The following HS3ST2 variants were observed in gnomAD, a reference collection of about 807,000 sequenced individuals.
HS3ST2 encodes heparan sulfate glucosamine 3-O-sulfotransferase 2.
A neutral mutation model predicts 26.3 loss-of-function variants in HS3ST2; 17 were observed. That is an observed-to-expected ratio of 0.65 (90% CI 0.44 to 0.97). HS3ST2 has a LOEUF of 0.97. Ranked by LOEUF, HS3ST2 falls within the 50% of genes least tolerant of loss-of-function variation. The pLI, the probability that HS3ST2 is intolerant of heterozygous loss-of-function variation, is 0.00. For synonymous variants in HS3ST2, 237 were observed against 219.2 expected (o/e 1.08, Z -0.72); for missense variants, 402 against 501.2 (o/e 0.80, Z 1.89).
intron 1 of HS3ST2, among the ~76,000 whole-genome samples, chr16:22,858,407 T>G (rs2141188227): frequency 6.6e-6 from 1 of 151,838 alleles, no homozygotes; most frequent in South Asian, 2.1e-4. Context: ...GCATGTTTTG[T>G]TTGTGATGTG....
chr16:22,832,365 G>A (rs1023420620), intron 1 of HS3ST2, among the ~76,000 whole-genome samples: 1 of 151,978 alleles, frequency 6.6e-6, no homozygotes, highest in African/African-American at 2.4e-5. Flanking sequence ...AGCAGCTGGT[G>A]AGCATCCTAC....
chr16:22,879,890 C>T (rs915893498), intron 1 of HS3ST2, among the ~76,000 whole-genome samples: 2 of 152,064 alleles, frequency 1.3e-5, no homozygotes, highest in African/African-American at 2.4e-5. Context: ...ACCATGAACC[C>T]CAGACTGGAC....
chr16:22,842,153 C>T (rs384338), intron 1 of HS3ST2, among the ~76,000 whole-genome samples: 4 of 149,988 alleles, frequency 2.7e-5, no homozygotes, highest in Admixed American at 2.7e-4. Flanking sequence ...GCTCCACCTC[C>T]TGGGTCCAAG....
intron 1 of HS3ST2, among the ~76,000 whole-genome samples, chr16:22,911,257 T>C (rs2106365): frequency 0.079 from 12,070 of 152,122 alleles, 637 homozygotes; most frequent in Non-Finnish European, 0.11. Flanking sequence ...GGGAGAGCAA[T>C]TAGAACAGGA....
intron 1 of HS3ST2, among the ~76,000 whole-genome samples, chr16:22,913,123 A>AAAGG (rs1159183388): frequency 0.025 from 2,330 of 94,128 alleles, 82 homozygotes; most frequent in South Asian, 0.053. Context: ...GAGAAGAAAG[A>AAAGG]AAGGAAGGAA....
intron 1 of HS3ST2, among the ~76,000 whole-genome samples, chr16:22,847,031 G>T (rs1901443818): frequency 6.6e-6 from 1 of 152,102 alleles, no homozygotes; most frequent in Non-Finnish European, 1.5e-5. Context: ...TGTTATGTAG[G>T]TAAACTCATG....
intron 1 of HS3ST2, among the ~76,000 whole-genome samples, chr16:22,866,217 A>G (rs1381644039): frequency 1.3e-5 from 2 of 152,170 alleles, no homozygotes; most frequent in Non-Finnish European, 2.9e-5. Context: ...TGATTAGCAG[A>G]TGATGGTATT....
intron 1 of HS3ST2, among the ~76,000 whole-genome samples, chr16:22,868,596 G>A (rs2283530): frequency 0.12 from 18,149 of 151,986 alleles, 1,767 homozygotes; most frequent in East Asian, 0.41. Context: ...CAGCAGTTAA[G>A]TTTCAGATCC....
chr16:22,891,052 C>T (rs12923372), intron 1 of HS3ST2, among the ~76,000 whole-genome samples: 2 of 152,156 alleles, frequency 1.3e-5, no homozygotes, highest in Admixed American at 6.5e-5. Flanking sequence ...AAAAAACGAG[C>T]AGATGTGCTA....
chr16:22,863,237 C>T (rs886488884), intron 1 of HS3ST2, among the ~76,000 whole-genome samples: 14 of 152,312 alleles, frequency 9.2e-5, no homozygotes, highest in South Asian at 2.1e-4. Context: ...CCGATTTGTT[C>T]CTGCCTTGGG....
At position 22,866,369 on chromosome 16, in the gene HS3ST2, CGTGTGT is replaced by C. The variant is rs55757233; in HGVS notation, c.486-48542_486-48537del. Among the ~76,000 whole-genome samples, 595 of 143,748 alleles carry C rather than the reference CGTGTGT, an allele frequency of 4.1e-3. 3 individuals carry two copies. The highest frequency in any genetic ancestry group is 0.011 in the African/African-American group (414 of 38,854). 94.3% of individuals were successfully genotyped at this position (143,748 alleles called of 152,430 possible). Reference sequence around the variant, plus strand: ...CTAACCAATTTGACAATATGGTGTGCGTGTGTGTGTGTGTGTGTGTGTGTGTGTGTG... The same window carrying C: ...CTAACCAATTTGACAATATGGTGTGCGTGTGTGTGTGTGTGTGTGTGTGTG... On this transcript the variant is annotated intron_variant, in intron 1 of 1. Coordinates refer to ENST00000261374, the MANE Select transcript of HS3ST2 (RefSeq NM_006043.2).
chr16:22,865,287 G>T (rs756638783), intron 1 of HS3ST2, among the ~76,000 whole-genome samples: 1 of 152,122 alleles, frequency 6.6e-6, no homozygotes. Flanking sequence ...GGGCGCGGTG[G>T]CTCATGCCTG....
chr16:22,815,847 G>GAAGTGCCTTAAAGGTGTA (rs1478843877), intron 1 of HS3ST2, among the ~76,000 whole-genome samples: 2 of 151,974 alleles, frequency 1.3e-5, no homozygotes, highest in Non-Finnish European at 2.9e-5. Context: ...AGGCTTTTCT[G>GAAGTGCCTTAAAGGTGTA]AAGTGCCTTA....
chr16:22,822,377 A>G (rs458544), intron 1 of HS3ST2, among the ~76,000 whole-genome samples: 62,353 of 151,798 alleles, frequency 0.41, 12,903 homozygotes, highest in East Asian at 0.46. Context: ...TTTGTTGCCC[A>G]GGCTGGTCTC....
intron 1 of HS3ST2, among the ~76,000 whole-genome samples, chr16:22,857,376 CTT>C (rs1365936413): frequency 6.6e-6 from 1 of 152,182 alleles, no homozygotes; most frequent in Non-Finnish European, 1.5e-5. Context: ...GAAAGCACCT[CTT>C]TGTGATTTTC....
chr16:22,907,178 G>A (rs954030998), intron 1 of HS3ST2, among the ~76,000 whole-genome samples: 8 of 152,106 alleles, frequency 5.3e-5, no homozygotes, highest in African/African-American at 1.9e-4. Context: ...ATATGAAAGG[G>A]CAGGTTCATG....
chr16:22,909,588 A>G (rs1333304021), intron 1 of HS3ST2, among the ~76,000 whole-genome samples: 1 of 152,192 alleles, frequency 6.6e-6, no homozygotes, highest in Non-Finnish European at 1.5e-5. Flanking sequence ...ACCCAAGGAG[A>G]AATAAATATT....
intron 1 of HS3ST2, among the ~76,000 whole-genome samples, chr16:22,842,062 C>CTTTTTTTTTTTTTTTTT (rs11285807): frequency 1.2e-4 from 13 of 111,764 alleles, no homozygotes; most frequent in East Asian, 2.4e-4. Context: ...TCTTTTCTTT[C>CTTTTTTTTTTTTTTTTT]TTTTTTTTTT....
At chr16:22,914,700 G>C (rs1038317880) in intron 1 of HS3ST2, among the ~76,000 whole-genome samples, 1 of 121,332 alleles carries the variant, frequency 8.2e-6, no homozygotes, top group Non-Finnish European at 1.6e-5. Flanking sequence ...TTGTACCACT[G>C]CATTTCAGCC....
Sources: gnomAD v4.1 joint callset for allele counts (sites outside exome capture counted in the v4.1 genomes callset) on GRCh38, gnomAD v4.1.1 for gene constraint, MANE v1.5 for transcripts, NCBI Gene and HGNC (gene_info 2026-07-23, HGNC 2026-07-21) for gene names.